The following USP28 variants were observed in gnomAD, a reference collection of about 807,000 sequenced individuals.
USP28 encodes ubiquitin carboxyl-terminal hydrolase 28.
USP28 carries 113 observed loss-of-function variants against 145.0 expected under a neutral mutation model. The ratio of observed to expected loss-of-function variants is 0.78; its 90% confidence interval spans 0.67 to 0.91. The LOEUF (loss-of-function observed/expected upper bound fraction) is 0.91, where lower values mean the gene tolerates loss of function less well. Among genes scored for constraint, USP28 ranks in the 40% least tolerant of loss-of-function variants. USP28 has a pLI of 0.00. For synonymous variants in USP28, 447 were observed against 450.9 expected, an observed-to-expected ratio of 0.99 and a Z score of 0.11; for missense variants, 1,201 against 1,289.6, an observed-to-expected ratio of 0.93 and a Z score of 1.05.
chr11:113,846,601 A>C (rs1480702269), intron 3 of USP28, among the ~76,000 whole-genome samples: 1 of 152,254 alleles, frequency 6.6e-6, no homozygotes, highest in African/African-American at 2.4e-5. Context: ...TCTACATTTA[A>C]GAATGGATAA....
intron 5 of USP28, among the ~76,000 whole-genome samples, chr11:113,834,920 C>G (rs1944401195): frequency 6.6e-6 from 1 of 152,076 alleles, no homozygotes; most frequent in Admixed American, 6.6e-5. Flanking sequence ...AAGTATTATA[C>G]TGCTTATATT....
intron 1 of USP28, among the ~76,000 whole-genome samples, chr11:113,867,801 AG>A (rs1340740140): frequency 2.7e-5 from 2 of 75,368 alleles, no homozygotes; most frequent in African/African-American, 5.5e-5. Flanking sequence ...GAAAGAAGGA[AG>A]GGGGGAGGGA....
chr11:113,864,624 G>C (rs1419512004), intron 1 of USP28, among the ~76,000 whole-genome samples: 3 of 152,168 alleles, frequency 2.0e-5, no homozygotes, highest in Non-Finnish European at 4.4e-5. Flanking sequence ...AGCTCAAGTA[G>C]TCAGGCAAGC....
chr11:113,832,341 C>T (rs1190965373), intron 7 of USP28, among the ~76,000 whole-genome samples: 1 of 152,132 alleles, frequency 6.6e-6, no homozygotes, highest in Non-Finnish European at 1.5e-5. Context: ...AACTCCTGAC[C>T]TCAAATGATC....
exon 19 of USP28, chr11:113,806,534 G>A: frequency 6.2e-7 from 1 of 1,606,976 alleles, no homozygotes; most frequent in Non-Finnish European, 8.5e-7. Context: ...AGGTCTGACG[G>A]GCTTTAGCTA....
At chr11:113,807,118 G>A (rs1005942485) in intron 18 of USP28, among the ~76,000 whole-genome samples, 9 of 152,060 alleles carry the variant, frequency 5.9e-5, no homozygotes, top group African/African-American at 1.9e-4. Context: ...TGTCGCCCAG[G>A]CTGGAGTGCA....
chr11:113,866,020 G>A (rs1023218572), intron 1 of USP28, among the ~76,000 whole-genome samples: 11 of 152,198 alleles, frequency 7.2e-5, no homozygotes, highest in South Asian at 2.1e-4. Context: ...AGTGCTGGCC[G>A]GGCACGGTGG....
chr11:113,855,400 G>A (rs1293416692), intron 1 of USP28, among the ~76,000 whole-genome samples: 1 of 152,140 alleles, frequency 6.6e-6, no homozygotes, highest in East Asian at 1.9e-4. Context: ...TTAGATGAAT[G>A]TTGAAAACAA....
At chr11:113,866,841 T>C (rs1287475245) in intron 1 of USP28, among the ~76,000 whole-genome samples, 1 of 152,170 alleles carries the variant, frequency 6.6e-6, no homozygotes, top group Non-Finnish European at 1.5e-5. Context: ...TACAAGTATA[T>C]GAAAATTCAT....
intron 3 of USP28, among the ~76,000 whole-genome samples, chr11:113,846,846 T>C (rs1945910894): frequency 6.6e-6 from 1 of 151,970 alleles, no homozygotes; most frequent in South Asian, 2.1e-4. Context: ...AACACAAAAA[T>C]TAGCTGGGTG....
At chr11:113,844,419 G>A (rs1486187425) in intron 3 of USP28, among the ~76,000 whole-genome samples, 1 of 151,648 alleles carries the variant, frequency 6.6e-6, no homozygotes, top group Non-Finnish European at 1.5e-5. Context: ...ACTCCAGCCT[G>A]GGCAACAGTG....
chr11:113,867,350 G>A (rs779238755), intron 1 of USP28, among the ~76,000 whole-genome samples: 7 of 151,716 alleles, frequency 4.6e-5, no homozygotes, highest in Middle Eastern at 3.4e-3. Context: ...CACTGCAACC[G>A]CTGCCTCCCG....
At chr11:113,840,463 C>T (rs769789507) in intron 5 of USP28, 135 bp downstream of exon 5, 1 of 1,146,304 alleles carries the variant, frequency 8.7e-7, no homozygotes, top group Non-Finnish European at 1.2e-6. Context: ...TAAATCCATA[C>T]ACAATAATGC....
At position 113,802,399 on chromosome 11, in the gene USP28, C is replaced by T. The variant is rs781644239; in HGVS notation, c.2863-721G>A. Among the ~76,000 whole-genome samples, 5 of 152,166 alleles carry T rather than the reference C, an allele frequency of 3.3e-5. No individual in the cohort carries two copies. The East Asian group carries it at 5.8e-4, about 18-fold the overall frequency. ...ATGTCATGACTTAATCTCACCCATT[C>T]GGTATGAACAAGGTAAAGGCAGTGG... is the stretch of plus-strand genomic sequence containing the variant. On this transcript the variant is annotated intron_variant, in intron 23 of 24. Coordinates refer to ENST00000003302, the Ensembl canonical transcript of USP28.
chr11:113,829,880 T>C (rs1228404599), intron 9 of USP28, among the ~76,000 whole-genome samples: 1 of 148,630 alleles, frequency 6.7e-6, no homozygotes, highest in Admixed American at 6.7e-5. Context: ...TACTTCCTAA[T>C]CAAGAGTTTT....
rs1422203117 is a variant in USP28 at position 113,822,269 on chromosome 11, G to GTGAA, written c.1283+1332_1283+1335dup. On this transcript the variant is annotated intron_variant, in intron 12 of 24. Transcript: ENST00000003302. ...GTTCAAGACCAGCCTGGCCAACATG[G>GTGAA]TGAAACCTTGTCTCTACCAAAAATA... 2.0e-5 allele frequency among the ~76,000 whole-genome samples: 3 copies of GTGAA among 152,128 alleles called. No individual in the cohort carries two copies. The East Asian group carries it at 5.8e-4, about 29-fold the overall frequency.
At chr11:113,801,569 A>C in exon 24 of USP28, 7 of 1,610,594 alleles carry the variant, frequency 4.3e-6, no homozygotes, top group Non-Finnish European at 5.1e-6. Context: ...GTCATTATTA[A>C]TGATAAGGTG....
At chr11:113,839,249 T>C (rs1022230022) in intron 5 of USP28, among the ~76,000 whole-genome samples, 1 of 152,168 alleles carries the variant, frequency 6.6e-6, no homozygotes, top group East Asian at 1.9e-4. Flanking sequence ...GTTAAGACCA[T>C]AGCATACACA....
At chr11:113,822,305 CG>C (rs2135696029) in intron 12 of USP28, 1 of 152,332 alleles carries the variant, frequency 6.6e-6, no homozygotes, top group Admixed American at 6.5e-5. Context: ...CAAAATTAGC[CG>C]GGCATGGTGG....
Sources: gnomAD v4.1 joint callset for allele counts (sites outside exome capture counted in the v4.1 genomes callset) on GRCh38, gnomAD v4.1.1 for gene constraint, MANE v1.5 for transcripts, NCBI Gene and HGNC (gene_info 2026-07-23, HGNC 2026-07-21) for gene names.